LASP1: variants seen among roughly 807,000 people sequenced by gnomAD.
LASP1 encodes LIM and SH3 domain protein 1.
A neutral mutation model predicts 38.6 loss-of-function variants in LASP1; 10 were observed. The ratio of observed to expected loss-of-function variants is 0.26; its 90% CI spans 0.16 to 0.44. The LOEUF (loss-of-function observed/expected upper bound fraction) is 0.44. LASP1 is among the 20% of genes least tolerant of loss of function. LASP1 has a pLI of 1.00. For synonymous variants in LASP1, 132 were observed against 140.8 expected, an observed-to-expected ratio of 0.94 and a Z score of 0.44; for missense variants, 243 against 375.7, an observed-to-expected ratio of 0.65 and a Z score of 2.92.
Position 38,918,784 on chromosome 17 carries a change from C to T in LASP1, c.*6C>T. The T allele has an allele frequency of 6.2e-7, 1 of 1,613,256 alleles. No individual in the cohort carries two copies. The highest frequency in any genetic ancestry group is 8.5e-7 in the Non-Finnish European group (1 of 1,179,892). ...ACTACGTGGAGGCCATCTGAACCCG[C>T]AGCGCCCCCATCTGTCTTCAGCACA... On this transcript the variant is annotated 3_prime_UTR_variant, in exon 7 of 7. Transcript: ENST00000318008. The surrounding 1 kb of genome is among the most constrained non-coding windows in gnomAD (Gnocchi z 4.4).
At chr17:38,876,391 C>T (rs933374742) in intron 1 of LASP1, among the ~76,000 whole-genome samples, 3 of 150,454 alleles carry the variant, frequency 2.0e-5, no homozygotes, top group South Asian at 2.1e-4. Flanking sequence ...GATTAAGTCT[C>T]GCTCTATACC....
chr17:38,892,581 CACACACA>C (rs1914364294), intron 3 of LASP1, among the ~76,000 whole-genome samples: 5 of 151,288 alleles, frequency 3.3e-5, no homozygotes, highest in Admixed American at 6.7e-5. Flanking sequence ...CACACACACA[CACACACA>C]CACCCTTCTC....
intron 3 of LASP1, among the ~76,000 whole-genome samples, chr17:38,891,029 G>A (rs985583276): frequency 2.6e-5 from 4 of 152,186 alleles, no homozygotes; most frequent in African/African-American, 4.8e-5. Context: ...CTGAGTGGGA[G>A]GTATGTGCCC....
At chr17:38,889,425 C>T (rs575902744) in intron 2 of LASP1, among the ~76,000 whole-genome samples, 4 of 152,272 alleles carry the variant, frequency 2.6e-5, no homozygotes, top group South Asian at 2.1e-4. Flanking sequence ...CCACTGCGCC[C>T]GGCCTAATTC....
At chr17:38,878,325 G>C in intron 2 of LASP1, 145 bp downstream of exon 2, 2 of 618,722 alleles carry the variant, frequency 3.2e-6, no homozygotes, top group South Asian at 4.1e-5. Flanking sequence ...CCTCACAACA[G>C]CTGAATGAAG....
chr17:38,878,304 T>C (rs1913843095), intron 2 of LASP1, 124 bp downstream of exon 2: 4 of 663,738 alleles, frequency 6.0e-6, no homozygotes, highest in African/African-American at 1.8e-5. Context: ...TACTTGAACA[T>C]CACAGTTTGT....
rs1236582610 is a variant in LASP1 at position 38,918,496 on chromosome 17, TCACTGCTCCCCCAGG to T, written c.613-107_613-93del. The T allele has an allele frequency of 2.2e-5, 24 of 1,097,230 alleles. No homozygotes were observed. The highest frequency in any genetic ancestry group is 3.1e-5 in the Non-Finnish European group (24 of 764,094). 68.0% of individuals were successfully genotyped at this position (1,097,230 alleles called of 1,614,324 possible). Reference sequence around the variant, plus strand: ...AGAGCCTGGTGCTCCATTTCTGAGTTCACTGCTCCCCCAGGCTCTGCTCCAGGGTCGTGGAGAGTT... The same window carrying T: ...AGAGCCTGGTGCTCCATTTCTGAGTTCTCTGCTCCAGGGTCGTGGAGAGTT... On this transcript the variant is annotated intron_variant, in intron 6 of 6. Coordinates refer to ENST00000318008, the MANE Select transcript of LASP1 (RefSeq NM_006148.4). The surrounding 1 kb of genome is among the most constrained non-coding windows in gnomAD (Gnocchi z 4.4).
intron 3 of LASP1, among the ~76,000 whole-genome samples, chr17:38,894,354 C>T (rs1336082234): frequency 2.6e-5 from 4 of 152,174 alleles, no homozygotes; most frequent in African/African-American, 4.8e-5. Flanking sequence ...CTATCCTCCT[C>T]GGATCTTGTA....
At chr17:38,877,707 C>A (rs1160696096) in intron 1 of LASP1, among the ~76,000 whole-genome samples, 1 of 152,172 alleles carries the variant, frequency 6.6e-6, no homozygotes, top group African/African-American at 2.4e-5. Context: ...TGCTCCCTAG[C>A]AACCCAGCGC....
chr17:38,890,606 G>A lies in LASP1; in HGVS notation c.249+102G>A, dbSNP rs1914286203. 1.1e-5 allele frequency: 11 copies of A among 1,023,266 alleles called. No individual in the cohort carries two copies. The Admixed American group carries it at 1.7e-4, about 16-fold the overall frequency. The allele number at this position is 1,023,266 out of a possible 1,614,324, so 63.4% of individuals were successfully genotyped here. On this transcript the variant is annotated intron_variant, in intron 3 of 6. Transcript: ENST00000318008. ...GAGTACCTTCCCCTGCGGTTACTCT[G>A]CAAGGCCAAGGTGCTGAAATCCTAG...
chr17:38,892,637 A>G (rs891064911), intron 3 of LASP1, among the ~76,000 whole-genome samples: 12 of 152,042 alleles, frequency 7.9e-5, no homozygotes, highest in African/African-American at 2.9e-4. Flanking sequence ...TGTCAGTTCC[A>G]CAAAAGCGTG....
In LASP1 at chr17:38,870,102, T is replaced by G. The variant is rs1913551223; in HGVS notation, c.-88T>G. On this transcript the variant is annotated 5_prime_UTR_variant, in exon 1 of 7. Transcript: ENST00000318008. ...CCGCCGTCGCTGCTGCCTGTGTAGT[T>G]GCAGCCGCGGCCGCCTCCCGCCAGC... 3 of 1,453,598 alleles carry G rather than the reference T, an allele frequency of 2.1e-6. No homozygotes were observed. The highest frequency in any genetic ancestry group is 1.7e-5 in the Admixed American group (1 of 57,356). The allele number at this position is 1,453,598 out of a possible 1,614,324, so 90.0% of individuals were successfully genotyped here. A position where few individuals can be genotyped will look rare whatever the true frequency, so the allele number is the denominator to read the frequency against.
chr17:38,893,808 G>T (rs1465937073), intron 3 of LASP1, among the ~76,000 whole-genome samples: 1 of 152,186 alleles, frequency 6.6e-6, no homozygotes, highest in Non-Finnish European at 1.5e-5. Flanking sequence ...GGTTCCTGTG[G>T]CTGCCGTGGG....
intron 2 of LASP1, among the ~76,000 whole-genome samples, chr17:38,888,150 G>T (rs1914199607): frequency 6.6e-6 from 1 of 152,140 alleles, no homozygotes; most frequent in South Asian, 2.1e-4. Context: ...TCTCATAGCA[G>T]CACATACACA....
intron 2 of LASP1, among the ~76,000 whole-genome samples, chr17:38,881,585 G>T (rs1331548209): frequency 2.0e-5 from 3 of 152,234 alleles, no homozygotes; most frequent in Non-Finnish European, 4.4e-5. Flanking sequence ...GGGTTTACCA[G>T]GGTACAGCTT....
chr17:38,874,014 C>G (rs983900494), intron 1 of LASP1: 1 of 127,804 alleles, frequency 7.8e-6, no homozygotes, highest in African/African-American at 2.9e-5. Context: ...AGCCTGTTTA[C>G]CTTTCTTTAG....
chr17:38,885,331 C>T (rs998834851), intron 2 of LASP1, among the ~76,000 whole-genome samples: 2 of 152,190 alleles, frequency 1.3e-5, no homozygotes, highest in Non-Finnish European at 2.9e-5. Flanking sequence ...AGAGAATGTG[C>T]ACAGGACTCA....
chr17:38,914,417 CAG>C lies in LASP1; in HGVS notation c.451_452del (p.Ser151LeufsTer61), dbSNP rs1567705712. ...AGCGTCGGGATTCACAGGACGGCAG[CAG>C]CTACCGGCGGCCCCTGGAGCAGCAG... ...PERRDSQDGSSYRRPLEQQQP... is the reference protein window; with the variant it reads ...PERRDSQDGSXYRRPLEQQQP... On this transcript the variant is annotated frameshift_variant, in exon 5 of 7. Transcript: ENST00000318008. LOFTEE classifies it high-confidence loss of function. 1 of 1,611,612 alleles carries C rather than the reference CAG, an allele frequency of 6.2e-7. No homozygotes were observed. The highest frequency in any genetic ancestry group is 2.2e-5 in the East Asian group (1 of 44,882).
chr17:38,900,621 C>T (rs879923332), intron 4 of LASP1, among the ~76,000 whole-genome samples: 6 of 152,012 alleles, frequency 3.9e-5, no homozygotes, highest in East Asian at 1.9e-4. Context: ...TGCAGTGAGT[C>T]GAGATCGGGC....
Sources: gnomAD v4.1 joint callset for allele counts (sites outside exome capture counted in the v4.1 genomes callset) on GRCh38, gnomAD v4.1.1 for gene constraint, Gnocchi (gnomAD v3.1) non-coding constraint, MANE v1.5 for transcripts, NCBI Gene and HGNC (gene_info 2026-07-23, HGNC 2026-07-21) for gene names.